RARB: variants seen among roughly 807,000 people sequenced by gnomAD.
The protein encoded by RARB is HBV-activated protein.
In RARB, 17 loss-of-function variants were observed where a neutral mutation model predicts 51.9. That is an observed-to-expected ratio of 0.33 (90% CI 0.22 to 0.49). The LOEUF (loss-of-function observed/expected upper bound fraction) is 0.49, where lower values mean the gene tolerates loss of function less well. Among genes scored for constraint, RARB ranks in the 20% least tolerant of loss-of-function variants. RARB has a pLI of 0.99. For synonymous variants in RARB, 215 were observed against 195.4 expected, an observed-to-expected ratio of 1.10 and a Z score of -0.84; for missense variants, 369 against 550.8, an observed-to-expected ratio of 0.67 and a Z score of 3.30.
At chr3:24,861,326 T>C (rs1702743879) in intron 2 of RARB, among the ~76,000 whole-genome samples, 1 of 152,172 alleles carries the variant, frequency 6.6e-6, no homozygotes, top group Admixed American at 6.6e-5. Flanking sequence ...ATCATGAATT[T>C]TGGTATCTTC....
intron 3 of RARB, among the ~76,000 whole-genome samples, chr3:25,565,870 G>A (rs367590327): frequency 2.0e-4 from 30 of 152,134 alleles, no homozygotes; most frequent in East Asian, 1.2e-3. Context: ...CTGCCATCTC[G>A]GGGGAGGCTC....
intron 5 of RARB, among the ~76,000 whole-genome samples, chr3:25,210,383 A>G (rs894937344): frequency 6.6e-6 from 1 of 152,102 alleles, no homozygotes; most frequent in Non-Finnish European, 1.5e-5. Flanking sequence ...TCCATTGTGT[A>G]TGCAGCCTAC....
intron 2 of RARB, among the ~76,000 whole-genome samples, chr3:24,997,765 T>G (rs1475918348): frequency 1.3e-5 from 2 of 152,158 alleles, no homozygotes; most frequent in Non-Finnish European, 1.5e-5. Flanking sequence ...TGCAGCCTAT[T>G]CAGCATAAAT....
intron 4 of RARB, among the ~76,000 whole-genome samples, chr3:25,577,549 ATTCT>A (rs1429344631): frequency 6.6e-6 from 1 of 152,208 alleles, no homozygotes; most frequent in Non-Finnish European, 1.5e-5. Context: ...CAGAATTTTA[ATTCT>A]TTATTTCTTT....
rs143752408 is a variant in RARB, at chr3:24,953,697, T to C, written c.-380+94945T>C. 1.6e-4 allele frequency among the ~76,000 whole-genome samples: 25 copies of C among 152,100 alleles called. No homozygotes were observed. In the Middle Eastern group the frequency reaches 0.014, roughly 83 times the overall value. The stretch of plus-strand genomic sequence containing the variant: ...GCCTTTGTGCCTAGGAAATTACAGA[T>C]TTTTTTTCAAAAACAATTCTTCTGT... On this transcript the variant is annotated intron_variant, in intron 2 of 11. Transcript: ENST00000383772.
intron 2 of RARB, among the ~76,000 whole-genome samples, chr3:25,013,727 G>GA (rs1412512143): frequency 1.3e-5 from 2 of 152,086 alleles, no homozygotes; most frequent in Non-Finnish European, 2.9e-5. Context: ...CTGGAATTGA[G>GA]AGGGACCATG....
intron 2 of RARB, among the ~76,000 whole-genome samples, chr3:24,862,275 A>G (rs1421135112): frequency 6.6e-6 from 1 of 152,178 alleles, no homozygotes; most frequent in Non-Finnish European, 1.5e-5. Flanking sequence ...TTGGAGTGCT[A>G]TTAAAGGCTA....
chr3:24,980,288 C>T (rs74211722), intron 2 of RARB, among the ~76,000 whole-genome samples: 2 of 152,032 alleles, frequency 1.3e-5, no homozygotes, highest in Non-Finnish European at 2.9e-5. Flanking sequence ...GTGGTGTTCT[C>T]TGTATTTCCT....
Position 25,012,512 on chromosome 3 carries a change from T to A in RARB, c.-379-47613T>A, listed in dbSNP as rs113451391. ...CCTCAGGACTGTCAGCTCCTCCTTC[T>A]GGATGTTAGAAACCTGAATGATACA... On this transcript the variant is annotated intron_variant, in intron 2 of 11. Coordinates refer to the RARB transcript ENST00000383772. Among the ~76,000 whole-genome samples the A allele has an allele frequency of 7.8e-3, 1,184 of 152,224 alleles. 17 individuals are homozygous for A. The highest frequency in any genetic ancestry group is 0.027 in the African/African-American group (1,114 of 41,550).
At chr3:25,044,369 C>A (rs1698172668) in intron 2 of RARB, among the ~76,000 whole-genome samples, 1 of 152,122 alleles carries the variant, frequency 6.6e-6, no homozygotes, top group South Asian at 2.1e-4. Flanking sequence ...ACTGTTGTAT[C>A]TTCAGCGCCT....
At chr3:25,459,479 G>C (rs1285658272) in intron 1 of RARB, among the ~76,000 whole-genome samples, 1 of 152,216 alleles carries the variant, frequency 6.6e-6, no homozygotes, top group Non-Finnish European at 1.5e-5. Flanking sequence ...GACTATTGGA[G>C]GGCTTTAGAT....
At chr3:24,904,759 A>G (rs1694817684) in intron 2 of RARB, among the ~76,000 whole-genome samples, 1 of 152,206 alleles carries the variant, frequency 6.6e-6, no homozygotes, top group African/African-American at 2.4e-5. Flanking sequence ...CTTGGAACCA[A>G]CCCAAATGCC....
At chr3:25,291,933 T>C (rs527826806) in intron 5 of RARB, among the ~76,000 whole-genome samples, 133 of 152,284 alleles carry the variant, frequency 8.7e-4, no homozygotes, top group Non-Finnish European at 9.7e-4. Context: ...CCCAGGACTT[T>C]AACTTTCCCT....
rs558981844 is a variant in RARB, at chr3:24,941,081, AT to A, written c.-380+82331del. ...CTTGTAGGGGGAAATTTTTATTGTT[AT>A]TGCTGATACTTTAATTTAGAATGGG... On this transcript the variant is annotated intron_variant, in intron 2 of 11. Coordinates refer to the RARB transcript ENST00000383772. Among the ~76,000 whole-genome samples, 386 of 152,184 alleles carry A rather than the reference AT, an allele frequency of 2.5e-3. 1 individual carries two copies. The highest frequency in any genetic ancestry group is 4.6e-3 in the Non-Finnish European group (312 of 68,004).
At chr3:25,396,941 GC>G (rs1178491753) in intron 5 of RARB, among the ~76,000 whole-genome samples, 1 of 152,104 alleles carries the variant, frequency 6.6e-6, no homozygotes, top group African/African-American at 2.4e-5. Flanking sequence ...CTGAGATCTT[GC>G]CCCAGGCTAC....
rs761523420 is a variant in RARB, at chr3:25,593,691, C to G, written c.975C>G (p.Ile325Met). Residue 325 changes from isoleucine (I) to methionine (M), a missense_variant, in exon 6 of 8, where the codon ATC (isoleucine) becomes ATG (methionine). Physicochemically the swap from Ile to Met is conservative, Grantham distance 10. Around this residue, in one of 9 missense-constraint regions of RARB, gnomAD observed 76 missense variants for 153.3 expected, o/e 0.50. Transcript: ENST00000330688. ...CAGAAACAGGCCTTCTCAGTGCCAT[C>G]TGCTTAATCTGTGGAGGTACCAACT... The part of the protein sequence containing the change: ...DDTETGLLSA[I>M]CLICGDRQDL... The G allele has an allele frequency of 6.2e-7, 1 of 1,613,980 alleles. No individual in the cohort carries two copies. Among genetic ancestry groups the G allele is most frequent in the South Asian group, 1.1e-5 (1 of 91,076 alleles).
chr3:25,386,229 C>T (rs1332756763), intron 5 of RARB, among the ~76,000 whole-genome samples: 1 of 151,568 alleles, frequency 6.6e-6, no homozygotes, highest in Non-Finnish European at 1.5e-5. Flanking sequence ...AAAGCTGAAA[C>T]GTAAAGGTTG....
intron 5 of RARB, among the ~76,000 whole-genome samples, chr3:25,331,615 A>G (rs1012196249): frequency 3.3e-5 from 5 of 152,226 alleles, no homozygotes; most frequent in Non-Finnish European, 5.9e-5. Context: ...AATTAAAAGA[A>G]CTGAGAAGCA....
chr3:25,431,893 C>A (rs1708224490), intron 1 of RARB, among the ~76,000 whole-genome samples: 1 of 152,074 alleles, frequency 6.6e-6, no homozygotes, highest in Non-Finnish European at 1.5e-5. Context: ...TATCTAAATC[C>A]TCTCCTAGTG....
Sources: gnomAD v4.1 joint callset for allele counts (sites outside exome capture counted in the v4.1 genomes callset) on GRCh38, gnomAD v4.1.1 for gene constraint, gnomAD v4.1.1 regional missense constraint, MANE v1.5 for transcripts, NCBI Gene and HGNC (gene_info 2026-07-23, HGNC 2026-07-21) for gene names.